The following ARHGEF10 variants were observed in gnomAD, a reference collection of about 807,000 sequenced individuals.
ARHGEF10 encodes the protein Rho guanine nucleotide exchange factor (GEF) 10.
In ARHGEF10, 140 loss-of-function variants were observed where a neutral mutation model predicts 147.4. That is an observed-to-expected ratio of 0.95 (90% CI 0.83 to 1.09). ARHGEF10 has a LOEUF of 1.09. ARHGEF10 is among the 50% of genes least tolerant of loss of function. The pLI, the probability that ARHGEF10 is intolerant of heterozygous loss-of-function variation, is 0.00. For synonymous variants in ARHGEF10, 902 were observed against 695.8 expected, an observed-to-expected ratio of 1.30 and a Z score of -4.67; for missense variants, 2,222 against 1,752.7, an observed-to-expected ratio of 1.27 and a Z score of -4.78.
At chr8:1,887,418 G>T (rs1808761118) in intron 11 of ARHGEF10, among the ~76,000 whole-genome samples, 1 of 147,748 alleles carries the variant, frequency 6.8e-6, no homozygotes, top group Non-Finnish European at 1.5e-5. Flanking sequence ...GCCAGACCCT[G>T]AGTGGGGTGT....
chr8:1,951,303 G>A (rs1167937033), intron 27 of ARHGEF10, among the ~76,000 whole-genome samples: 1 of 152,212 alleles, frequency 6.6e-6, no homozygotes, highest in South Asian at 2.1e-4. Flanking sequence ...AGCTGCTGCC[G>A]TGTTTCTCAT....
At chr8:1,893,680 T>A in intron 12 of ARHGEF10, 34 bp downstream of exon 12, 1 of 1,397,648 alleles carries the variant, frequency 7.2e-7, no homozygotes. Flanking sequence ...ATACATACAT[T>A]TCTATTATTC....
chr8:1,878,391 T>G (rs1360259867), intron 8 of ARHGEF10, among the ~76,000 whole-genome samples: 1 of 152,134 alleles, frequency 6.6e-6, no homozygotes, highest in South Asian at 2.1e-4. Context: ...TTCACCATAT[T>G]GGCCAGGCTG....
chr8:1,945,691 C>T (rs1220155243), intron 27 of ARHGEF10, 36 bp downstream of exon 27: 2 of 1,612,488 alleles, frequency 1.2e-6, no homozygotes, highest in Admixed American at 1.7e-5. Context: ...GATGGGACAG[C>T]AACCGGGGAC....
chr8:1,889,099 G>C lies in ARHGEF10; in HGVS notation c.1182+3392G>C, dbSNP rs1247151883. On this transcript the variant is annotated intron_variant, in intron 11 of 28. Transcript: ENST00000349830. Reference sequence around the variant, plus strand: ...GGTGAGGGGTCCGTGAGGAGACACTGAGTGGGGTGTGAGGGGTCTGTGAGG... The same window carrying C: ...GGTGAGGGGTCCGTGAGGAGACACTCAGTGGGGTGTGAGGGGTCTGTGAGG... Among the ~76,000 whole-genome samples, 2 of 94,386 alleles carry C rather than the reference G, an allele frequency of 2.1e-5. 1 individual carries two copies. The highest frequency in any genetic ancestry group is 1.4e-4 in the African/African-American group (2 of 14,556). 61.9% of individuals were successfully genotyped at this position (94,386 alleles called of 152,430 possible).
At chr8:1,936,535 C>T (rs766327665) in intron 26 of ARHGEF10, among the ~76,000 whole-genome samples, 1 of 152,134 alleles carries the variant, frequency 6.6e-6, no homozygotes, top group Non-Finnish European at 1.5e-5. Context: ...TTGACCCTCA[C>T]ACAAAATGTC....
chr8:1,851,530 G>C (rs773143654), intron 2 of ARHGEF10, among the ~76,000 whole-genome samples: 1 of 152,138 alleles, frequency 6.6e-6, no homozygotes, highest in African/African-American at 2.4e-5. Flanking sequence ...GCTCTCTTTG[G>C]GGGTGGGGAG....
chr8:1,849,315 G>T (rs1804797392), intron 2 of ARHGEF10, among the ~76,000 whole-genome samples: 4 of 151,766 alleles, frequency 2.6e-5, no homozygotes, highest in African/African-American at 7.3e-5. Context: ...AGGAGGGCAT[G>T]GGGCAGCCAC....
chr8:1,932,748 G>C (rs1673440773), intron 25 of ARHGEF10, among the ~76,000 whole-genome samples: 1 of 152,202 alleles, frequency 6.6e-6, no homozygotes, highest in Non-Finnish European at 1.5e-5. Flanking sequence ...TTGCCTTTTA[G>C]TGACTGCACA....
At chr8:1,914,335 C>T (rs1811595372) in intron 18 of ARHGEF10, among the ~76,000 whole-genome samples, 1 of 152,210 alleles carries the variant, frequency 6.6e-6, no homozygotes, top group African/African-American at 2.4e-5. Flanking sequence ...CTGAGCAGCG[C>T]GTCCAGCCAC....
intron 18 of ARHGEF10, among the ~76,000 whole-genome samples, chr8:1,916,907 A>C (rs1032279705): frequency 6.6e-6 from 1 of 152,160 alleles, no homozygotes; most frequent in Non-Finnish European, 1.5e-5. Flanking sequence ...TCCTCACACC[A>C]TTGTCCGTAT....
At chr8:1,924,473 A>G (rs1004053759) in intron 21 of ARHGEF10, among the ~76,000 whole-genome samples, 3 of 152,180 alleles carry the variant, frequency 2.0e-5, no homozygotes, top group African/African-American at 7.2e-5. Context: ...CTGGGATGTC[A>G]TGTGTGTGTA....
At chr8:1,900,387 A>C (rs1337656221) in intron 15 of ARHGEF10, among the ~76,000 whole-genome samples, 1 of 152,046 alleles carries the variant, frequency 6.6e-6, no homozygotes, top group Non-Finnish European at 1.5e-5. Flanking sequence ...TAGGAAACTG[A>C]GTTACGCTCT....
chr8:1,843,495 A>T lies in ARHGEF10; in HGVS notation c.37+59A>T, dbSNP rs1166892180. On this transcript the variant is annotated intron_variant, in intron 2 of 28. Coordinates refer to ENST00000349830, the MANE Select transcript of ARHGEF10 (RefSeq NM_014629.4). Reference sequence around the variant, plus strand: ...GGTTGTGCTGCTGCTCTCATCAAGGACGGGGTACTTCTGGAACCACTGAAT... The same window carrying T: ...GGTTGTGCTGCTGCTCTCATCAAGGTCGGGGTACTTCTGGAACCACTGAAT... The T allele has an allele frequency of 2.2e-6, 3 of 1,373,456 alleles. No individual in the cohort carries two copies. In the Admixed American group the frequency reaches 5.2e-5, roughly 24 times the overall value. The allele number at this position is 1,373,456 out of a possible 1,614,324, so 85.1% of individuals were successfully genotyped here. A position where few individuals can be genotyped will look rare whatever the true frequency, so the allele number is the denominator to read the frequency against.
intron 18 of ARHGEF10, among the ~76,000 whole-genome samples, chr8:1,920,134 G>GGGTGATGGGGCTGTTCCATGGGTGA (rs1812164261): frequency 1.3e-5 from 2 of 150,660 alleles, no homozygotes; most frequent in Middle Eastern, 3.2e-3. Context: ...GCTGTTCTGT[G>GGGTGATGGGGCTGTTCCATGGGTGA]TGCCCTGGAG....
chr8:1,866,113 C>G (rs1330238132), intron 5 of ARHGEF10, among the ~76,000 whole-genome samples: 3 of 152,190 alleles, frequency 2.0e-5, no homozygotes, highest in Admixed American at 2.0e-4. Context: ...TCTCTTTCTC[C>G]CACTGACCTG....
intron 2 of ARHGEF10, among the ~76,000 whole-genome samples, chr8:1,850,930 G>T (rs771794659): frequency 6.6e-6 from 1 of 152,020 alleles, no homozygotes; most frequent in African/African-American, 2.4e-5. Context: ...CTTACTGAGC[G>T]AGAGAAGCCA....
intron 18 of ARHGEF10, among the ~76,000 whole-genome samples, chr8:1,912,058 C>A (rs1023426790): frequency 6.6e-6 from 1 of 152,198 alleles, no homozygotes; most frequent in African/African-American, 2.4e-5. Context: ...TTGATATTGA[C>A]AGAGTGTAGG....
intron 7 of ARHGEF10, among the ~76,000 whole-genome samples, chr8:1,872,081 A>C (rs1395246791): frequency 6.6e-6 from 1 of 152,084 alleles, no homozygotes; most frequent in Non-Finnish European, 1.5e-5. Flanking sequence ...GAAGGAAGGA[A>C]AGGAAGGAAG....
Sources: allele counts gnomAD v4.1 joint callset (sites outside exome capture counted in the v4.1 genomes callset), GRCh38; gene constraint gnomAD v4.1.1; transcripts MANE v1.5; gene names NCBI Gene and HGNC (gene_info 2026-07-23, HGNC 2026-07-21).